The following DST variants were observed in gnomAD, a reference collection of about 807,000 sequenced individuals.
DST encodes dystonin.
DST carries 253 observed loss-of-function variants against 875.2 expected under a neutral mutation model. The observed-to-expected ratio is 0.29, with a 90% CI of 0.26 to 0.32. DST has a LOEUF of 0.32. DST is among the 10% of genes least tolerant of loss of function. The pLI is 1.00. For missense variants in DST, 8,287 were observed against 9,111.6 expected, an observed-to-expected ratio of 0.91 and a Z score of 3.68; for synonymous variants, 3,124 against 3,197.1, an observed-to-expected ratio of 0.98 and a Z score of 0.77.
In DST at chr6:56,640,538, G is replaced by A. The variant is rs191160112; in HGVS notation, c.2095C>T (p.Arg699Cys). ...TTTGTCTGTTCTGTTGTCAGTATGC[G>A]TCCTTTGCTGTACACAGAAGAACAT... ...NECSSVYSKG[R>C]ILTTEQTKLM... is the part of the protein sequence containing the mutation. Residue 699 changes from arginine to cysteine, a missense_variant, in exon 18 of 104, where the codon CGC (arginine) becomes TGC (cysteine). By Grantham distance (180) the Arg-to-Cys change is radical (BLOSUM62 -3). Coordinates refer to ENST00000680361, the MANE Select transcript of DST (RefSeq NM_001374736.1). 8.5e-5 allele frequency: 138 copies of A among 1,614,132 alleles called. No homozygotes were observed. In the East Asian group the frequency reaches 1.0e-3, roughly 12 times the overall value.
chr6:56,593,015 T>A (rs1370006012), intron 48 of DST, among the ~76,000 whole-genome samples: 1 of 152,164 alleles, frequency 6.6e-6, no homozygotes, highest in Non-Finnish European at 1.5e-5. Flanking sequence ...GTGAAGAGGA[T>A]AATCTGAGAT....
At chr6:56,912,511 C>A in intron 2 of DST, among the ~76,000 whole-genome samples, 3 of 152,280 alleles carry the variant, frequency 2.0e-5, no homozygotes. Context: ...ACAGATGAAA[C>A]CTTAGCCTTT....
chr6:56,594,243 C>A (rs781437539), intron 47 of DST, 50 bp from the exon 48 acceptor site: 4 of 1,451,546 alleles, frequency 2.8e-6, no homozygotes, highest in Non-Finnish European at 3.7e-6. Context: ...CGGGGTAACA[C>A]CTGCAGGGAG....
intron 2 of DST, among the ~76,000 whole-genome samples, chr6:56,901,005 A>G (rs1793813706): frequency 6.6e-6 from 1 of 151,658 alleles, no homozygotes; most frequent in Non-Finnish European, 1.5e-5. Context: ...ACAGGATATC[A>G]TTCCAGGGTA....
At chr6:56,664,160 T>C (rs2099059600) in intron 10 of DST, among the ~76,000 whole-genome samples, 1 of 152,150 alleles carries the variant, frequency 6.6e-6, no homozygotes, top group African/African-American at 2.4e-5. Flanking sequence ...CTCCTGCACA[T>C]TCTGCACTGT....
At chr6:56,545,103 C>T (rs530210059) in intron 61 of DST, among the ~76,000 whole-genome samples, 13 of 152,210 alleles carry the variant, frequency 8.5e-5, no homozygotes, top group African/African-American at 3.1e-4. Context: ...GCCTTGACCT[C>T]TCGGGCTCAT....
intron 49 of DST, among the ~76,000 whole-genome samples, chr6:56,583,658 T>G (rs545710334): frequency 6.6e-6 from 1 of 152,376 alleles, no homozygotes; most frequent in East Asian, 1.9e-4. Context: ...GCTTTAGACA[T>G]GAAGTCCTTG....
chr6:56,780,707 C>A, intron 4 of DST, among the ~76,000 whole-genome samples: 1 of 150,124 alleles, frequency 6.7e-6, no homozygotes, highest in East Asian at 1.9e-4. Flanking sequence ...GTTTCTTTTG[C>A]TGTGCAGAAG....
In DST at chr6:56,603,111, T is replaced by C. The variant is rs1043119923; in HGVS notation, c.11158-80A>G. The C allele has an allele frequency of 5.2e-6, 8 of 1,531,898 alleles. No individual in the cohort carries two copies. In the African/African-American group the frequency reaches 1.1e-4, roughly 21 times the overall value. 94.9% of individuals were successfully genotyped at this position (1,531,898 alleles called of 1,614,324 possible). On this transcript the variant is annotated intron_variant, in intron 42 of 103. Transcript: ENST00000680361. ...CAAATAATGACTGTGGTTTAAGAGT[T>C]AGCACTCTAAAACTAAAATACTCCA...
At chr6:56,858,356 C>CTCTA (rs1769110891) in intron 3 of DST, among the ~76,000 whole-genome samples, 1 of 151,924 alleles carries the variant, frequency 6.6e-6, no homozygotes, top group African/African-American at 2.4e-5. Context: ...AGAACACAAA[C>CTCTA]TCTAGGGTGT....
intron 5 of DST, among the ~76,000 whole-genome samples, chr6:56,708,518 T>C (rs1486125857): frequency 6.6e-6 from 1 of 151,964 alleles, no homozygotes; most frequent in Non-Finnish European, 1.5e-5. Context: ...ACAGAAATAC[T>C]GTATATGGAA....
intron 36 of DST, chr6:56,620,513 T>C: frequency 6.2e-7 from 1 of 1,614,136 alleles, no homozygotes; most frequent in Non-Finnish European, 8.5e-7. Flanking sequence ...TCTCTGCTGC[T>C]TTCTCAATTC....
intron 3 of DST, among the ~76,000 whole-genome samples, chr6:56,881,102 G>C (rs547538272): frequency 1.7e-4 from 26 of 152,060 alleles, no homozygotes; most frequent in African/African-American, 6.3e-4. Flanking sequence ...ACCCGCCTCG[G>C]TCTCCCGAAG....
Position 56,467,588 on chromosome 6 carries a change from G to A in DST, c.22570-1393C>T, listed in dbSNP as rs186478030. 9 of 152,166 alleles carry A rather than the reference G, an allele frequency of 5.9e-5. No individual in the cohort carries two copies. In the East Asian group the frequency reaches 1.7e-3, roughly 29 times the overall value. 9.4% of individuals were successfully genotyped at this position (152,166 alleles called of 1,614,324 possible). On this transcript the variant is annotated intron_variant, in intron 98 of 103. Coordinates refer to ENST00000680361, the MANE Select transcript of DST (RefSeq NM_001374736.1). ...GCTAATAAGCAAAGGGAAAGGAGGGGATTTAAAGAAAATTACCCTTAAGGA... is the reference window on the plus strand; with the variant it reads ...GCTAATAAGCAAAGGGAAAGGAGGGAATTTAAAGAAAATTACCCTTAAGGA...
Position 56,463,830 on chromosome 6 carries a change from A to G in DST, c.22760-66T>C, listed in dbSNP as rs964905105. On this transcript the variant is annotated intron_variant, in intron 100 of 103. Coordinates refer to ENST00000680361, the MANE Select transcript of DST (RefSeq NM_001374736.1). ...GGAAAAGAAGAGGCGCTCAATCGTT[A>G]ATGGGAAGAACGGCCACCTGGCACC... 3 of 1,540,642 alleles carry G rather than the reference A, an allele frequency of 1.9e-6. No individual in the cohort carries two copies. The African/African-American group carries it at 4.1e-5, about 21-fold the overall frequency.
intron 48 of DST, among the ~76,000 whole-genome samples, chr6:56,593,225 T>C (rs964209039): frequency 2.0e-5 from 3 of 151,994 alleles, no homozygotes; most frequent in Non-Finnish European, 2.9e-5. Context: ...GTGAATAAGA[T>C]AGAGAGAAGG....
chr6:56,763,766 T>C (rs938152618), intron 4 of DST, among the ~76,000 whole-genome samples: 2 of 146,778 alleles, frequency 1.4e-5, no homozygotes. Flanking sequence ...AACCAAAGGA[T>C]GTGCCTAGCA....
At chr6:56,765,021 A>G (rs1282810683) in intron 4 of DST, among the ~76,000 whole-genome samples, 2 of 144,988 alleles carry the variant, frequency 1.4e-5, no homozygotes, top group African/African-American at 5.5e-5. Context: ...GTAAGAAGCA[A>G]TAGGCACTAA....
chr6:56,605,584 G>A lies in DST; in HGVS notation c.9044C>T (p.Ser3015Leu). 1 of 1,613,036 alleles carries A rather than the reference G, an allele frequency of 6.2e-7. No homozygotes were observed. The highest frequency in any genetic ancestry group is 1.3e-5 in the African/African-American group (1 of 74,968). ...IGKPAEESHL[S>L]LIASVTDKDP... The stretch of plus-strand genomic sequence containing the variant: ...TTTGTCAGTTACAGAGGCTATCAAT[G>A]ACAAATGGCTTTCCTCAGCAGGTTT... The change falls in exon 40 of 104, where the codon TCA (serine) becomes TTA (leucine). Residue 3015 changes from serine (S) to leucine (L), a missense_variant. Physicochemically the swap from Ser to Leu is moderately radical, Grantham distance 145. Coordinates refer to ENST00000680361, the MANE Select transcript of DST (RefSeq NM_001374736.1).
Sources: allele counts gnomAD v4.1 joint callset (sites outside exome capture counted in the v4.1 genomes callset), GRCh38; gene constraint gnomAD v4.1.1; transcripts MANE v1.5; gene names NCBI Gene and HGNC (gene_info 2026-07-23, HGNC 2026-07-21).